The following PRH1 variants were observed in gnomAD, a reference collection of about 807,000 sequenced individuals.
The protein encoded by PRH1 is proline rich protein HaeIII subfamily 1.
In PRH1, 7 loss-of-function variants were observed where a neutral mutation model predicts 7.9. The observed-to-expected ratio is 0.89, with a 90% CI of 0.50 to 1.67. The LOEUF is 1.67. PRH1 is among the 40% of genes most tolerant of loss of function. PRH1 has a pLI of 0.00. For missense variants in PRH1, 109 were observed against 223.6 expected (o/e 0.49, Z 3.27); for synonymous variants, 45 against 80.8 (o/e 0.56, Z 2.38).
In PRH1 at chr12:11,094,374, A is replaced by G. The variant is rs1428755267; in HGVS notation, n.124-47186T>C. ...ATATAAATATCTAATGTAGGTTTGG[A>G]GGGTTTTCTCCTGCACAAAAACATA... On this transcript the variant is annotated intron_variant and non_coding_transcript_variant, in intron 1 of 4. Transcript: ENST00000541977. 1.9e-5 allele frequency among the ~76,000 whole-genome samples: 2 copies of G among 107,538 alleles called. 1 individual carries two copies. The highest frequency in any genetic ancestry group is 4.3e-5 in the Non-Finnish European group (2 of 46,816). 70.5% of individuals were successfully genotyped at this position (107,538 alleles called of 152,430 possible).
chr12:10,949,202 AT>A (rs1260283731), intron 2 of PRH1, among the ~76,000 whole-genome samples: 1 of 152,202 alleles, frequency 6.6e-6, no homozygotes, highest in Non-Finnish European at 1.5e-5. Flanking sequence ...TGGGGGTTCC[AT>A]CCCAGAGAGA....
chr12:11,023,112 C>A (rs1941743832), intron 1 of PRH1, among the ~76,000 whole-genome samples: 1 of 152,084 alleles, frequency 6.6e-6, no homozygotes, highest in Admixed American at 6.6e-5. Context: ...AGATTCTAAA[C>A]CTTTTATCAA....
At chr12:11,100,746 C>A (rs1309383435) in intron 1 of PRH1, among the ~76,000 whole-genome samples, 1 of 152,102 alleles carries the variant, frequency 6.6e-6, no homozygotes, top group Admixed American at 6.6e-5. Flanking sequence ...CTACAGCAGT[C>A]AAAGTAGCAT....
chr12:10,908,917 T>C, intron 2 of PRH1: 4 of 1,613,098 alleles, frequency 2.5e-6, no homozygotes, highest in Non-Finnish European at 3.4e-6. Flanking sequence ...AGAATCACTT[T>C]GTTTACTCTC....
At chr12:10,943,576 T>C (rs1029456251) in intron 2 of PRH1, among the ~76,000 whole-genome samples, 1 of 152,214 alleles carries the variant, frequency 6.6e-6, no homozygotes, top group African/African-American at 2.4e-5. Context: ...TTAAGTTTAA[T>C]AGGATCCCAT....
intron 1 of PRH1, among the ~76,000 whole-genome samples, chr12:10,982,747 G>T (rs1939418514): frequency 6.6e-6 from 1 of 152,170 alleles, no homozygotes; most frequent in Non-Finnish European, 1.5e-5. Flanking sequence ...AATACTGGAA[G>T]AAGAGACATA....
At chr12:10,939,881 T>C (rs1262084521) in intron 2 of PRH1, among the ~76,000 whole-genome samples, 1 of 152,212 alleles carries the variant, frequency 6.6e-6, no homozygotes, top group African/African-American at 2.4e-5. Context: ...TTACCTGTTA[T>C]CTGTTATATT....
upstream of PRH1, among the ~76,000 whole-genome samples, chr12:11,051,346 A>G (rs1400064038): frequency 6.6e-6 from 1 of 152,252 alleles, no homozygotes; most frequent in African/African-American, 2.4e-5. Flanking sequence ...AGAGCTGTAC[A>G]TGAATGTATA....
intron 1 of PRH1, chr12:11,133,557 T>C (rs751137947): frequency 5.9e-5 from 95 of 1,614,094 alleles, no homozygotes; most frequent in Non-Finnish European, 6.9e-5. Context: ...GAGGTCACAG[T>C]TTGCAAAGCT....
intron 1 of PRH1, among the ~76,000 whole-genome samples, chr12:11,053,621 ACCC>A (rs1943243080): frequency 1.3e-5 from 2 of 148,476 alleles, no homozygotes; most frequent in Non-Finnish European, 3.0e-5. Flanking sequence ...CATAGACATT[ACCC>A]AAATTATGTA....
chr12:11,002,816 T>C (rs1217761317), intron 1 of PRH1, among the ~76,000 whole-genome samples: 1 of 152,086 alleles, frequency 6.6e-6, no homozygotes, highest in Non-Finnish European at 1.5e-5. Context: ...ACAAAATATT[T>C]TCCCCAACAC....
At chr12:10,991,072 G>A (rs924012538) in intron 1 of PRH1, among the ~76,000 whole-genome samples, 5 of 152,156 alleles carry the variant, frequency 3.3e-5, no homozygotes, top group African/African-American at 9.7e-5. Flanking sequence ...CTAGAGACCA[G>A]GATTGACTTC....
At chr12:11,062,216 T>C in intron 1 of PRH1, 2 of 1,613,280 alleles carry the variant, frequency 1.2e-6, no homozygotes, top group South Asian at 1.1e-5. Context: ...ACCAATGCTA[T>C]GAAGCCATTA....
rs1369077481 is a variant in PRH1, at chr12:11,096,220, C to T, written n.124-49032G>A. Among the ~76,000 whole-genome samples, 6 of 116,220 alleles carry T rather than the reference C, an allele frequency of 5.2e-5. 3 individuals are homozygous for T. Among genetic ancestry groups the T allele is most frequent in the Admixed American group, 3.4e-4 (4 of 11,602 alleles). The allele number at this position is 116,220 out of a possible 152,430, so 76.2% of individuals were successfully genotyped here. A position where few individuals can be genotyped will look rare whatever the true frequency, so the allele number is the denominator to read the frequency against. ...GTTAGTTGTTCTGATTGTAGCTTCA[C>T]TGTCTGTGGCCCTCTAGCCTTATAT... is the stretch of plus-strand genomic sequence containing the variant. On this transcript the variant is annotated intron_variant and non_coding_transcript_variant, in intron 1 of 4. Coordinates refer to the PRH1 transcript ENST00000541977.
At chr12:10,988,071 T>A (rs1004970551) in intron 1 of PRH1, among the ~76,000 whole-genome samples, 2 of 151,998 alleles carry the variant, frequency 1.3e-5, no homozygotes, top group Non-Finnish European at 2.9e-5. Flanking sequence ...ACTAATGGAG[T>A]CAGTTTGCCT....
chr12:11,123,053 T>C (rs1945965453), intron 1 of PRH1, among the ~76,000 whole-genome samples: 1 of 152,156 alleles, frequency 6.6e-6, no homozygotes, highest in African/African-American at 2.4e-5. Flanking sequence ...AATAGCTTCG[T>C]TTGGTCTGCT....
At chr12:11,064,538 T>A (rs1040855883) in intron 1 of PRH1, among the ~76,000 whole-genome samples, 1 of 152,074 alleles carries the variant, frequency 6.6e-6, no homozygotes, top group Admixed American at 6.6e-5. Flanking sequence ...ACAGGGTCAT[T>A]GTGCAAAATA....
chr12:10,946,418 G>C (rs1033168265), intron 2 of PRH1, among the ~76,000 whole-genome samples: 1 of 152,158 alleles, frequency 6.6e-6, no homozygotes, highest in Admixed American at 6.5e-5. Context: ...AGGTTTTCTA[G>C]TTTGTCTGCA....
At chr12:11,075,338 G>A (rs78151331) in intron 1 of PRH1, among the ~76,000 whole-genome samples, 25,208 of 91,820 alleles carry the variant, frequency 0.27, 1,885 homozygotes, top group Non-Finnish European at 0.34. Context: ...GAAAGTGATT[G>A]GGTACATTTA....
Sources: gnomAD v4.1 joint callset for allele counts (sites outside exome capture counted in the v4.1 genomes callset) on GRCh38, gnomAD v4.1.1 for gene constraint, MANE v1.5 for transcripts, NCBI Gene and HGNC (gene_info 2026-07-23, HGNC 2026-07-21) for gene names.